Variants in DVL1 observed in about 807,000 individuals in gnomAD.
The protein encoded by DVL1 is segment polarity protein dishevelled homolog DVL-1.
In DVL1, 49 loss-of-function variants were observed where a neutral mutation model predicts 65.0. The observed-to-expected ratio is 0.75, with a 90% CI of 0.60 to 0.96. DVL1 has a LOEUF of 0.96. DVL1 is among the 40% of genes least tolerant of loss of function. The pLI is 0.00. For synonymous variants in DVL1, 608 were observed against 433.9 expected, an observed-to-expected ratio of 1.40 and a Z score of -4.99; for missense variants, 1,197 against 1,045.4, an observed-to-expected ratio of 1.15 and a Z score of -2.00.
chr1:1,337,861 T>TGGAGCTGGGGGTGGAGC (rs1643632083), intron 14 of DVL1, 116 bp downstream of exon 14: 2 of 653,280 alleles, frequency 3.1e-6, no homozygotes, highest in African/African-American at 3.4e-5. Context: ...CGGGGTGGGG[T>TGGAGCTGGGGGTGGAGC]GGAGCTGGGG....
rs1261956487 is a variant in DVL1 at position 1,342,037 on chromosome 1, G to C, written c.466+16C>G. The C allele has an allele frequency of 6.4e-7, 1 of 1,553,740 alleles. No homozygotes were observed. ...GAGGCTGGGGGTCCACAGCTGGGCA[G>C]ACATGACCACTGTACCCTCCTCGCG... On this transcript the variant is annotated intron_variant, in intron 4 of 14. Transcript: ENST00000378888.
chr1:1,337,286 T>C (rs1643610726), intron 14 of DVL1, among the ~76,000 whole-genome samples: 1 of 152,252 alleles, frequency 6.6e-6, no homozygotes, highest in South Asian at 2.1e-4. Context: ...CGAAGCCACC[T>C]GCACCCCTCC....
At chr1:1,341,219 GCA>G (rs1418734237) in intron 5 of DVL1, among the ~76,000 whole-genome samples, 8 of 149,976 alleles carry the variant, frequency 5.3e-5, no homozygotes, top group Non-Finnish European at 7.4e-5. Flanking sequence ...ACACGCACAC[GCA>G]CACATGCACA....
intron 5 of DVL1, among the ~76,000 whole-genome samples, chr1:1,341,118 C>T (rs138615630): frequency 0.021 from 3,107 of 149,830 alleles, 35 homozygotes; most frequent in Non-Finnish European, 0.028. Context: ...TGCACACGCA[C>T]GCCTGCACAT....
intron 14 of DVL1, chr1:1,337,730 A>C: frequency 1.4e-6 from 1 of 689,808 alleles, no homozygotes; most frequent in Non-Finnish European, 2.7e-6. Flanking sequence ...TGTCCTCCCC[A>C]TTCACACTGG....
chr1:1,338,052 G>A lies in DVL1; in HGVS notation c.1639C>T (p.Pro547Ser), dbSNP rs1643644501. Residue 547 changes from proline (P) to serine (S), a missense_variant, in exon 14 of 15, where the codon CCC becomes TCC. By Grantham distance (74) the Pro-to-Ser change is moderately conservative. Coordinates refer to ENST00000378888, the MANE Select transcript of DVL1 (RefSeq NM_001330311.2). ...GYPYQYPGPP[P>S]CFPPAYQDPG... Reference sequence around the variant, plus strand: ...TCCTGGTAGGCAGGCGGGAAGCAGGGTGGGGGTCCCGGGTACTGGTAGGGG... The same window carrying A: ...TCCTGGTAGGCAGGCGGGAAGCAGGATGGGGGTCCCGGGTACTGGTAGGGG... The A allele has an allele frequency of 1.2e-6, 2 of 1,611,546 alleles. No homozygotes were observed. Among genetic ancestry groups the A allele is most frequent in the African/African-American group, 1.3e-5 (1 of 75,002 alleles).
At position 1,341,219 on chromosome 1, in the gene DVL1, G is replaced by A. The variant is rs569615568; in HGVS notation, c.605+448C>T. ...CACGCACACCTGCACACACGCACAC[G>A]CACACATGCACACACCTGCGCACAC... is the stretch of plus-strand genomic sequence containing the variant. On this transcript the variant is annotated intron_variant, in intron 5 of 14. Coordinates refer to ENST00000378888, the MANE Select transcript of DVL1 (RefSeq NM_001330311.2). Among the ~76,000 whole-genome samples, 11 of 150,090 alleles carry A rather than the reference G, an allele frequency of 7.3e-5. No homozygotes were observed. The East Asian group carries it at 1.0e-3, about 14-fold the overall frequency.
At chr1:1,341,574 TG>T in intron 5 of DVL1, 92 bp downstream of exon 5, 1 of 1,453,142 alleles carries the variant, frequency 6.9e-7, no homozygotes, top group Non-Finnish European at 9.2e-7. Context: ...ACACGTGCAA[TG>T]TGAAAACACC....
At chr1:1,347,371 A>G (rs1458944388) in intron 1 of DVL1, among the ~76,000 whole-genome samples, 1 of 152,036 alleles carries the variant, frequency 6.6e-6, no homozygotes, top group Non-Finnish European at 1.5e-5. Flanking sequence ...GCGTCCTCCA[A>G]ATGTGCCCAG....
intron 3 of DVL1, 43 bp from the exon 4 acceptor site, chr1:1,342,199 G>A (rs1396525676): frequency 6.6e-7 from 1 of 1,520,934 alleles, no homozygotes; most frequent in Admixed American, 2.0e-5. Context: ...CGTGGCCCCA[G>A]CCCCTCAGAT....
intron 10 of DVL1, 54 bp downstream of exon 10, chr1:1,339,528 G>A (rs753190596): frequency 1.1e-4 from 166 of 1,559,472 alleles, no homozygotes; most frequent in Non-Finnish European, 1.4e-4. Context: ...AGGCCTTCAG[G>A]CTAGGTAGGC....
chr1:1,339,877 C>A (rs1481541188), intron 8 of DVL1, 65 bp from the exon 9 acceptor site: 2 of 1,587,132 alleles, frequency 1.3e-6, no homozygotes, highest in Non-Finnish European at 1.7e-6. Flanking sequence ...CCCCCGCAGA[C>A]CCACCCACAG....
chr1:1,341,062 C>A (rs1305178796), intron 5 of DVL1, among the ~76,000 whole-genome samples: 5 of 150,346 alleles, frequency 3.3e-5, no homozygotes, highest in Non-Finnish European at 7.4e-5. Context: ...CACACATGCA[C>A]ACCTGCACAC....
At chr1:1,342,877 T>C in intron 1 of DVL1, 119 bp from the exon 2 acceptor site, 2 of 919,786 alleles carry the variant, frequency 2.2e-6, no homozygotes, top group East Asian at 5.1e-5. Flanking sequence ...TGGACACCCC[T>C]GCTAGCGCAT....
rs1283775408 is a variant in DVL1 at position 1,349,263 on chromosome 1, G to A, written c.-198C>T. The A allele has an allele frequency of 4.3e-5, 7 of 164,520 alleles. No homozygotes were observed. The highest frequency in any genetic ancestry group is 7.4e-5 in the African/African-American group (3 of 40,604). The allele number at this position is 164,520 out of a possible 1,614,324, so 10.2% of individuals were successfully genotyped here. Reference sequence around the variant, plus strand: ...GGCTCCCGCGCGCGTCCCGACTGCTGCCCCGCGGCCCGCGGCCGCCCATCC... The same window carrying A: ...GGCTCCCGCGCGCGTCCCGACTGCTACCCCGCGGCCCGCGGCCGCCCATCC... On this transcript the variant is annotated 5_prime_UTR_variant, in exon 1 of 15. Transcript: ENST00000378888. This position sits in a 1 kb window ranked among gnomAD's most constrained non-coding sequence, Gnocchi z 4.1.
At position 1,342,433 on chromosome 1, in the gene DVL1, TG is replaced by T; in HGVS notation, c.291del (p.Asp97GlufsTer144). 6.2e-7 allele frequency: 1 copy of T among 1,601,002 alleles called. No homozygotes were observed. Among genetic ancestry groups the T allele is most frequent in the Non-Finnish European group, 8.5e-7 (1 of 1,174,386 alleles). ...AGAGGCGGGGGCAGGTCTGTGTGGC[TG>T]TCCGTGCCCTGGGACCCCGCATCCG... Reference protein sequence around the residue: ...AHSDAGSQGTDSHTDLPPPLE... With the variant: ...AHSDAGSQGTXSHTDLPPPLE... On this transcript the variant is annotated frameshift_variant, in exon 3 of 15. Transcript: ENST00000378888. LOFTEE classifies it high-confidence loss of function.
In DVL1 at chr1:1,340,056, G is replaced by A. The variant is rs774431752; in HGVS notation, c.891C>T (p.Pro297=). ...GACACACCTGCAGCAACATGTCGCC[G>A]GGCTCGATGCGGCCGTCAGCGGCCA... The part of the protein sequence containing the change: ...GAVAADGRIE[P]GDMLLQVNDV... The change falls in exon 8 of 15, where the codon CCC becomes CCT. Residue 297 remains proline (P), a synonymous_variant. Coordinates refer to ENST00000378888, the MANE Select transcript of DVL1 (RefSeq NM_001330311.2). 62 of 1,612,422 alleles carry A rather than the reference G, an allele frequency of 3.8e-5. No individual in the cohort carries two copies. The highest frequency in any genetic ancestry group is 1.7e-4 in the Middle Eastern group (1 of 6,028).
intron 1 of DVL1, among the ~76,000 whole-genome samples, chr1:1,344,648 C>G (rs1206735859): frequency 6.6e-6 from 1 of 152,188 alleles, no homozygotes; most frequent in East Asian, 1.9e-4. Flanking sequence ...CCCTCCACGT[C>G]TGCTGCCCCC....
chr1:1,342,941 C>G (rs1278535859), intron 1 of DVL1, among the ~76,000 whole-genome samples, 183 bp from the exon 2 acceptor site: 1 of 151,992 alleles, frequency 6.6e-6, no homozygotes, highest in Non-Finnish European at 1.5e-5. Context: ...CCCCACCCCC[C>G]CAGCATGGGG....
Sources: gnomAD v4.1 joint callset for allele counts (sites outside exome capture counted in the v4.1 genomes callset) on GRCh38, gnomAD v4.1.1 for gene constraint, Gnocchi (gnomAD v3.1) non-coding constraint, MANE v1.5 for transcripts, NCBI Gene and HGNC (gene_info 2026-07-23, HGNC 2026-07-21) for gene names.